ARHGAP32: variants seen among roughly 807,000 people sequenced by gnomAD.
The protein encoded by ARHGAP32 is Rho GTPase activating protein 32.
ARHGAP32 carries 51 observed loss-of-function variants against 186.5 expected under a neutral mutation model. The observed-to-expected ratio is 0.27, with a 90% CI of 0.22 to 0.35. ARHGAP32 has a LOEUF of 0.35. Ranked by LOEUF, ARHGAP32 falls within the 10% of genes least tolerant of loss-of-function variation. ARHGAP32 has a pLI of 1.00. For missense variants in ARHGAP32, 2,186 were observed against 2,623.5 expected, an observed-to-expected ratio of 0.83 and a Z score of 3.64; for synonymous variants, 950 against 964.3, an observed-to-expected ratio of 0.99 and a Z score of 0.27.
chr11:129,190,673 A>G (rs958008173), intron 1 of ARHGAP32, among the ~76,000 whole-genome samples: 3 of 152,340 alleles, frequency 2.0e-5, no homozygotes, highest in Non-Finnish European at 4.4e-5. Flanking sequence ...CAACAATGAA[A>G]TAAGTTCCAA....
intron 6 of ARHGAP32, among the ~76,000 whole-genome samples, chr11:129,090,549 A>G (rs920227655): frequency 6.6e-6 from 1 of 152,176 alleles, no homozygotes; most frequent in African/African-American, 2.4e-5. Flanking sequence ...AATCCTAAGT[A>G]TTTTACTAAG....
At chr11:129,038,755 C>A (rs989499050) in intron 11 of ARHGAP32, among the ~76,000 whole-genome samples, 1 of 150,320 alleles carries the variant, frequency 6.7e-6, no homozygotes, top group Non-Finnish European at 1.5e-5. Context: ...GGCACAGCGG[C>A]ATGCACGTGT....
chr11:129,056,147 CA>C (rs1940245236), intron 10 of ARHGAP32, among the ~76,000 whole-genome samples: 1 of 152,112 alleles, frequency 6.6e-6, no homozygotes, highest in African/African-American at 2.4e-5. Context: ...TGATTCTATT[CA>C]ATGTACTGTA....
At position 129,218,881 on chromosome 11, in the gene ARHGAP32, G is replaced by A. The variant is rs189646661; in HGVS notation, c.-4-54454C>T. Reference sequence around the variant, plus strand: ...CATTTGTCAAGTAGAATGTTAATGAGGGAGTGCGGGTGAGAAGAACATCTG... The same window carrying A: ...CATTTGTCAAGTAGAATGTTAATGAAGGAGTGCGGGTGAGAAGAACATCTG... On this transcript the variant is annotated intron_variant, in intron 1 of 6. Coordinates refer to the ARHGAP32 transcript ENST00000525234. Among the ~76,000 whole-genome samples the A allele has an allele frequency of 4.7e-3, 721 of 152,306 alleles. 7 individuals carry two copies. The highest frequency in any genetic ancestry group is 0.034 in the South Asian group (163 of 4,830).
At chr11:129,187,336 C>T (rs1012727512) in intron 1 of ARHGAP32, among the ~76,000 whole-genome samples, 1 of 148,918 alleles carries the variant, frequency 6.7e-6, no homozygotes, top group African/African-American at 2.5e-5. Context: ...CTCATGGACA[C>T]AGAGAGTAGA....
At chr11:129,111,927 A>C (rs1942229573) in intron 5 of ARHGAP32, among the ~76,000 whole-genome samples, 1 of 151,978 alleles carries the variant, frequency 6.6e-6, no homozygotes. Flanking sequence ...ATGCCTGGCT[A>C]ATGTTTGTAT....
intron 11 of ARHGAP32, among the ~76,000 whole-genome samples, chr11:129,015,013 A>T (rs1938267086): frequency 6.6e-6 from 1 of 152,238 alleles, no homozygotes. Flanking sequence ...GCTAATGAAT[A>T]TGAAGAAAGA....
intron 10 of ARHGAP32, among the ~76,000 whole-genome samples, chr11:129,052,679 C>G (rs183820704): frequency 2.7e-5 from 4 of 150,760 alleles, no homozygotes; most frequent in Admixed American, 2.6e-4. Context: ...TATACATTTT[C>G]TGACTGAAGT....
intron 11 of ARHGAP32, among the ~76,000 whole-genome samples, chr11:129,036,526 C>T (rs1939348625): frequency 6.6e-6 from 1 of 151,246 alleles, no homozygotes; most frequent in African/African-American, 2.4e-5. Flanking sequence ...GACATAATAA[C>T]TAATATAAGT....
intron 1 of ARHGAP32, among the ~76,000 whole-genome samples, chr11:129,212,174 T>C (rs1944589313): frequency 6.6e-6 from 1 of 151,692 alleles, no homozygotes; most frequent in Non-Finnish European, 1.5e-5. Context: ...AAAAAGAAAA[T>C]AAAAGTACTG....
chr11:129,245,820 T>C (rs1225311635), intron 1 of ARHGAP32, among the ~76,000 whole-genome samples: 2 of 151,984 alleles, frequency 1.3e-5, no homozygotes, highest in Admixed American at 1.3e-4. Context: ...TAAATAATAG[T>C]GCCTTTAAGG....
At chr11:129,062,766 A>G (rs372154953) in intron 9 of ARHGAP32, among the ~76,000 whole-genome samples, 17 of 152,178 alleles carry the variant, frequency 1.1e-4, no homozygotes, top group African/African-American at 3.1e-4. Flanking sequence ...GATTCCCTTA[A>G]TATTACATTT....
intron 6 of ARHGAP32, among the ~76,000 whole-genome samples, chr11:129,069,625 C>A (rs1007992245): frequency 6.6e-6 from 1 of 152,006 alleles, no homozygotes; most frequent in Non-Finnish European, 1.5e-5. Flanking sequence ...TCAGCTTCAG[C>A]TTTGGAGAAT....
intron 6 of ARHGAP32, among the ~76,000 whole-genome samples, chr11:129,073,045 G>C (rs1302045135): frequency 6.6e-6 from 1 of 152,122 alleles, no homozygotes; most frequent in Non-Finnish European, 1.5e-5. Flanking sequence ...TGAGATTCAC[G>C]TGTGAAGTTC....
intron 1 of ARHGAP32, among the ~76,000 whole-genome samples, chr11:129,171,450 TTG>T (rs1240435774): frequency 1.3e-5 from 2 of 152,232 alleles, no homozygotes; most frequent in Non-Finnish European, 1.5e-5. Context: ...TTGTTTGTTT[TTG>T]TCAGGTTTGT....
intron 2 of ARHGAP32, among the ~76,000 whole-genome samples, chr11:129,162,352 T>C (rs960940986): frequency 6.6e-6 from 1 of 152,162 alleles, no homozygotes; most frequent in African/African-American, 2.4e-5. Flanking sequence ...GTTGAGGACA[T>C]TGGAAGCAAA....
chr11:129,204,481 C>G (rs911673930), intron 1 of ARHGAP32, among the ~76,000 whole-genome samples: 1 of 152,160 alleles, frequency 6.6e-6, no homozygotes, highest in Admixed American at 6.6e-5. Context: ...AGGTATTGCA[C>G]ACATTCAGTA....
intron 1 of ARHGAP32, among the ~76,000 whole-genome samples, chr11:129,172,065 T>G (rs1591669774): frequency 1.3e-5 from 2 of 152,196 alleles, no homozygotes; most frequent in Admixed American, 6.5e-5. Context: ...AAGGAGTTTT[T>G]GGGCTGAGAT....
At chr11:129,024,019 C>A in intron 11 of ARHGAP32, 1 of 985,392 alleles carries the variant, frequency 1.0e-6, no homozygotes, top group East Asian at 1.1e-4. Context: ...CACAGGTTAA[C>A]TTCAAGTTAG....
Sources: allele counts gnomAD v4.1 joint callset (sites outside exome capture counted in the v4.1 genomes callset), GRCh38; gene constraint gnomAD v4.1.1; transcripts MANE v1.5; gene names NCBI Gene and HGNC (gene_info 2026-07-23, HGNC 2026-07-21).